The following SLC9A9 variants were observed in gnomAD, a reference collection of about 807,000 sequenced individuals.
The protein encoded by SLC9A9 is sodium/hydrogen exchanger 9.
Under a neutral mutation model 77.8 loss-of-function variants are expected in SLC9A9, and 62 were observed. The observed-to-expected ratio is 0.80, with a 90% CI of 0.65 to 0.98. SLC9A9 has a LOEUF of 0.98. SLC9A9 is among the 50% of genes least tolerant of loss of function. The pLI is 0.00. For synonymous variants in SLC9A9, 320 were observed against 283.5 expected (o/e 1.13, Z -1.29); for missense variants, 775 against 774.9 (o/e 1.00, Z 0.00).
At chr3:143,682,471 G>C (rs1933133468) in intron 5 of SLC9A9, among the ~76,000 whole-genome samples, 1 of 152,048 alleles carries the variant, frequency 6.6e-6, no homozygotes, top group Non-Finnish European at 1.5e-5. Flanking sequence ...AATGAAAGCA[G>C]CTATAAAAAT....
intron 1 of SLC9A9, among the ~76,000 whole-genome samples, chr3:143,843,798 C>T (rs1178392911): frequency 1.3e-5 from 2 of 152,084 alleles, no homozygotes; most frequent in African/African-American, 4.8e-5. Context: ...GGGATACAGG[C>T]CCTAAGTGAG....
chr3:143,485,182 C>T (rs2108584258), intron 11 of SLC9A9, among the ~76,000 whole-genome samples: 1 of 152,298 alleles, frequency 6.6e-6, no homozygotes, highest in East Asian at 1.9e-4. Context: ...GCAAAAAGGA[C>T]TCTGTTCTCC....
At chr3:143,756,887 T>C (rs1433061751) in intron 4 of SLC9A9, among the ~76,000 whole-genome samples, 1 of 152,220 alleles carries the variant, frequency 6.6e-6, no homozygotes. Context: ...TCTACTCCTC[T>C]TAATTGATCT....
At chr3:143,596,835 A>T (rs942080118) in intron 6 of SLC9A9, among the ~76,000 whole-genome samples, 1 of 151,734 alleles carries the variant, frequency 6.6e-6, no homozygotes, top group African/African-American at 2.4e-5. Context: ...GCTAAGTTTT[A>T]TTTTTTGTAG....
chr3:143,498,001 G>A (rs1027159493), intron 9 of SLC9A9, among the ~76,000 whole-genome samples: 4 of 151,972 alleles, frequency 2.6e-5, no homozygotes, highest in African/African-American at 7.3e-5. Flanking sequence ...GGGAATCTTT[G>A]CGCTACATTT....
At position 143,578,567 on chromosome 3, in the gene SLC9A9, C is replaced by T. The variant is rs2037403492; in HGVS notation, c.894+18G>A. The T allele has an allele frequency of 6.2e-7, 1 of 1,613,792 alleles. No individual in the cohort carries two copies. Among genetic ancestry groups the T allele is most frequent in the African/African-American group, 1.3e-5 (1 of 75,032 alleles). On this transcript the variant is annotated intron_variant, in intron 7 of 15. Coordinates refer to ENST00000316549, the MANE Select transcript of SLC9A9 (RefSeq NM_173653.4). The stretch of plus-strand genomic sequence containing the variant: ...TGTTCTTGACAGTCCCAGCTTTCCA[C>T]ATACAGACAAAGGATATCAGTGCTG...
chr3:143,658,794 T>A (rs1287899528), intron 5 of SLC9A9, among the ~76,000 whole-genome samples: 2 of 152,192 alleles, frequency 1.3e-5, no homozygotes, highest in Non-Finnish European at 2.9e-5. Context: ...TCATGCAGTT[T>A]GGATTAAGAA....
intron 4 of SLC9A9, among the ~76,000 whole-genome samples, chr3:143,700,697 C>A (rs1361724053): frequency 2.0e-5 from 3 of 152,216 alleles, no homozygotes; most frequent in African/African-American, 4.8e-5. Flanking sequence ...TAGTACCTGG[C>A]TCCCACACAG....
intron 14 of SLC9A9, among the ~76,000 whole-genome samples, chr3:143,291,865 G>A (rs2029995794): frequency 6.6e-6 from 1 of 152,196 alleles, no homozygotes; most frequent in African/African-American, 2.4e-5. Context: ...AAAAAGAGGA[G>A]CAAAGTCAGG....
chr3:143,400,639 T>A (rs2033833170), intron 12 of SLC9A9, among the ~76,000 whole-genome samples: 1 of 151,064 alleles, frequency 6.6e-6, no homozygotes, highest in South Asian at 2.1e-4. Context: ...ACAAAAGAAC[T>A]TACTCATGTA....
At chr3:143,524,755 G>C (rs984154007) in intron 9 of SLC9A9, among the ~76,000 whole-genome samples, 1 of 152,134 alleles carries the variant, frequency 6.6e-6, no homozygotes, top group African/African-American at 2.4e-5. Flanking sequence ...AGTGTTGAAA[G>C]GTAGTGACTT....
chr3:143,606,400 A>ATCTCTC (rs746582477), intron 6 of SLC9A9, among the ~76,000 whole-genome samples: 994 of 76,340 alleles, frequency 0.013, 25 homozygotes, highest in Middle Eastern at 0.029. Context: ...GAAAGAGTGA[A>ATCTCTC]TCTCTCTCTC....
intron 6 of SLC9A9, among the ~76,000 whole-genome samples, chr3:143,640,328 T>C (rs2038600856): frequency 6.6e-6 from 1 of 152,114 alleles, no homozygotes; most frequent in African/African-American, 2.4e-5. Context: ...ACCTTGTAAT[T>C]TCTTAGTTTA....
intron 5 of SLC9A9, among the ~76,000 whole-genome samples, chr3:143,675,477 G>T (rs1333988019): frequency 1.3e-5 from 2 of 152,198 alleles, no homozygotes; most frequent in Non-Finnish European, 2.9e-5. Flanking sequence ...ACATGAGCCA[G>T]TAGTAGTCTC....
chr3:143,704,444 A>G (rs146755266), intron 4 of SLC9A9, among the ~76,000 whole-genome samples: 128 of 152,346 alleles, frequency 8.4e-4, no homozygotes, highest in African/African-American at 2.9e-3. Flanking sequence ...AATGTGACAC[A>G]TATGAACAGA....
chr3:143,353,065 C>T (rs1288137115), intron 14 of SLC9A9, among the ~76,000 whole-genome samples: 4 of 152,208 alleles, frequency 2.6e-5, no homozygotes, highest in Non-Finnish European at 5.9e-5. Flanking sequence ...GAACTTTTCA[C>T]CATTTTCTGA....
At chr3:143,469,491 T>G (rs1031373046) in intron 11 of SLC9A9, among the ~76,000 whole-genome samples, 1 of 152,250 alleles carries the variant, frequency 6.6e-6, no homozygotes, top group Non-Finnish European at 1.5e-5. Context: ...TATTATAGCA[T>G]CTAGGTTTCT....
intron 4 of SLC9A9, among the ~76,000 whole-genome samples, chr3:143,737,529 A>C (rs1560056344): frequency 6.6e-6 from 1 of 151,976 alleles, no homozygotes; most frequent in Non-Finnish European, 1.5e-5. Flanking sequence ...GCAGAGCTGG[A>C]GAAGACTGTC....
chr3:143,407,661 C>T (rs1323778348), intron 12 of SLC9A9, among the ~76,000 whole-genome samples: 2 of 151,990 alleles, frequency 1.3e-5, no homozygotes, highest in Non-Finnish European at 2.9e-5. Flanking sequence ...AGAGTCAGGG[C>T]CTAAAAATCC....
Sources: allele counts gnomAD v4.1 joint callset (sites outside exome capture counted in the v4.1 genomes callset), GRCh38; gene constraint gnomAD v4.1.1; transcripts MANE v1.5; gene names NCBI Gene and HGNC (gene_info 2026-07-23, HGNC 2026-07-21).